Variants in CHD8 observed in about 807,000 individuals in gnomAD.
CHD8 encodes the protein ATP-dependent chromatin remodeler CHD8.
A neutral mutation model predicts 279.2 loss-of-function variants in CHD8; 31 were observed. The observed-to-expected ratio is 0.11, with a 90% confidence interval of 0.08 to 0.15. The LOEUF (loss-of-function observed/expected upper bound fraction) is 0.15. Among genes scored for constraint, CHD8 ranks in the 10% least tolerant of loss-of-function variants. CHD8 has a pLI of 1.00. For missense variants in CHD8, 2,146 were observed against 3,230.5 expected, an observed-to-expected ratio of 0.66 and a Z score of 8.14; for synonymous variants, 1,081 against 1,139.6, an observed-to-expected ratio of 0.95 and a Z score of 1.04.
At chr14:21,417,868 A>T (rs1186758006) in intron 5 of CHD8, among the ~76,000 whole-genome samples, 2 of 95,352 alleles carry the variant, frequency 2.1e-5, no homozygotes, top group East Asian at 4.7e-4. Context: ...AAAAAAAAAT[A>T]TATATATATA....
Position 21,403,408 on chromosome 14 carries a change from T to C in CHD8, c.3518+45A>G, listed in dbSNP as rs749902595. On this transcript the variant is annotated intron_variant, in intron 17 of 37. Coordinates refer to ENST00000646647, the MANE Select transcript of CHD8 (RefSeq NM_001170629.2). The surrounding 1 kb of genome is among the most constrained non-coding windows in gnomAD (Gnocchi z 4.3). ...CCAGGCCCTCCTACTTTTTGCTGCTTTATGAGGACAGAGTAACCACAGGCT... is the reference window on the plus strand; with the variant it reads ...CCAGGCCCTCCTACTTTTTGCTGCTCTATGAGGACAGAGTAACCACAGGCT... The C allele has an allele frequency of 6.7e-7, 1 of 1,499,084 alleles. No individual in the cohort carries two copies. Among genetic ancestry groups the C allele is most frequent in the Non-Finnish European group, 9.2e-7 (1 of 1,086,748 alleles). 92.9% of individuals were successfully genotyped at this position (1,499,084 alleles called of 1,614,324 possible). A position where few individuals can be genotyped will look rare whatever the true frequency, so the allele number is the denominator to read the frequency against.
intron 9 of CHD8, chr14:21,413,991 C>A: frequency 3.9e-6 from 1 of 256,574 alleles, no homozygotes; most frequent in Non-Finnish European, 7.5e-6. Context: ...CAGAAACCAT[C>A]AATAGCTAAA....
At chr14:21,423,691 C>T (rs1443435800) in intron 5 of CHD8, among the ~76,000 whole-genome samples, 1 of 152,148 alleles carries the variant, frequency 6.6e-6, no homozygotes, top group Non-Finnish European at 1.5e-5. Flanking sequence ...TATGAGCCAC[C>T]ATGCCTGGCT....
intron 26 of CHD8, chr14:21,399,340 C>T (rs776217045): frequency 9.0e-5 from 40 of 443,896 alleles, no homozygotes; most frequent in Admixed American, 1.4e-4. Context: ...GCATACAGTG[C>T]GGTAACACAC....
intron 1 of CHD8, among the ~76,000 whole-genome samples, chr14:21,439,482 T>C (rs904332593): frequency 1.3e-5 from 2 of 152,212 alleles, no homozygotes; most frequent in African/African-American, 4.8e-5. Flanking sequence ...CTTCTTAGTG[T>C]ATAGATGAGA....
At position 21,392,782 on chromosome 14, in the gene CHD8, G is replaced by C; in HGVS notation, c.6496C>G (p.Leu2166Val). 1.2e-6 allele frequency: 2 copies of C among 1,613,866 alleles called. No homozygotes were observed. Among genetic ancestry groups the C allele is most frequent in the Non-Finnish European group, 1.7e-6 (2 of 1,179,852 alleles). ...CCTGAGAGTACAGCCTGGCAGACGAGGTCAATACGGTTTATCAGGACACGA... is the reference window on the plus strand; with the variant it reads ...CCTGAGAGTACAGCCTGGCAGACGACGTCAATACGGTTTATCAGGACACGA... ...KDRVLINRIDLVCQAVLSGKW... is the reference protein window; with the variant it reads ...KDRVLINRIDVVCQAVLSGKW... The change falls in exon 34 of 38, where the codon CTC becomes GTC. Residue 2166 changes from leucine to valine, a missense_variant. This residue lies in a region of CHD8 where 513 missense variants were observed against 637.6 expected (regional missense o/e 0.80). Coordinates refer to ENST00000646647, the MANE Select transcript of CHD8 (RefSeq NM_001170629.2).
intron 37 of CHD8, among the ~76,000 whole-genome samples, chr14:21,389,022 C>G (rs1357011018): frequency 6.6e-6 from 1 of 152,196 alleles, no homozygotes; most frequent in Non-Finnish European, 1.5e-5. Context: ...CAACTATTGA[C>G]CAGGCGCTGT....
In CHD8 at chr14:21,400,180, A is replaced by G. The variant is rs755262691; in HGVS notation, c.4698T>C (p.Tyr1566=). 1.5e-5 allele frequency: 25 copies of G among 1,613,830 alleles called. No individual in the cohort carries two copies. The highest frequency in any genetic ancestry group is 2.0e-5 in the Non-Finnish European group (24 of 1,179,892). Residue 1566 remains tyrosine, a synonymous_variant, in exon 24 of 38, where the codon TAT becomes TAC. Coordinates refer to ENST00000646647, the MANE Select transcript of CHD8 (RefSeq NM_001170629.2). The surrounding 1 kb of genome is among the most constrained non-coding windows in gnomAD (Gnocchi z 4.2). ...TACACTGATGTTTCAAGTGCTTCTT[A>G]TAACTTTCATCTTGGAACAAAGTGT... ...NPDTLFQDES[Y]KKHLKHQCNK... is the part of the protein sequence containing the mutation.
intron 1 of CHD8, among the ~76,000 whole-genome samples, chr14:21,441,393 A>G (rs1889956855): frequency 6.6e-6 from 1 of 152,208 alleles, no homozygotes; most frequent in South Asian, 2.1e-4. Flanking sequence ...GCAACCAAGA[A>G]TCCTAACACA....
chr14:21,394,063 G>A lies in CHD8; in HGVS notation c.5732C>T (p.Ala1911Val), dbSNP rs1199808611. The A allele has an allele frequency of 6.2e-7, 1 of 1,613,926 alleles. No homozygotes were observed. Among genetic ancestry groups the A allele is most frequent in the African/African-American group, 1.3e-5 (1 of 75,054 alleles). The change falls in exon 32 of 38, where the codon GCA (alanine) becomes GTA (valine). Residue 1911 changes from alanine (A) to valine (V), a missense_variant. Coordinates refer to ENST00000646647, the MANE Select transcript of CHD8 (RefSeq NM_001170629.2). Reference sequence around the variant, plus strand: ...TTCAGGACCAGGAGGCTGACACAATGCCAGCCGATCTTCCAAAAGGGGGTG... The same window carrying A: ...TTCAGGACCAGGAGGCTGACACAATACCAGCCGATCTTCCAAAAGGGGGTG... The part of the protein sequence containing the change: ...LCHPLLEDRL[A>V]LCQPPGPELP...
chr14:21,396,169 A>T (rs189433694), intron 27 of CHD8, among the ~76,000 whole-genome samples: 151 of 151,034 alleles, frequency 1.0e-3, no homozygotes, highest in African/African-American at 3.5e-3. Flanking sequence ...GCTAATTTTC[A>T]TATTTTTTTA....
rs1357098543 is a variant in CHD8 at position 21,399,598 on chromosome 14, G to A, written c.4921+4C>T. On this transcript the variant is annotated splice_donor_region_variant and intron_variant, in intron 26 of 37. Transcript: ENST00000646647. ...AAAGGAGTAGAATAGGAGAAGATAC[G>A]TACCATGTTTAAAGACTCCAATGAG... 11 of 1,602,766 alleles carry A rather than the reference G, an allele frequency of 6.9e-6. No individual in the cohort carries two copies. The highest frequency in any genetic ancestry group is 8.5e-6 in the Non-Finnish European group (10 of 1,169,752).
At chr14:21,392,478 A>T (rs771537778) in intron 34 of CHD8, 29 bp downstream of exon 34, 2 of 1,591,898 alleles carry the variant, frequency 1.3e-6, no homozygotes, top group African/African-American at 2.7e-5. Flanking sequence ...CTCCTTCCCC[A>T]CTTCCCAATG....
chr14:21,432,174 T>C (rs1459496030), intron 1 of CHD8, among the ~76,000 whole-genome samples: 1 of 152,244 alleles, frequency 6.6e-6, no homozygotes, highest in Non-Finnish European at 1.5e-5. Context: ...TAAAATTTAA[T>C]ATTCATTTAC....
intron 5 of CHD8, among the ~76,000 whole-genome samples, chr14:21,421,084 A>G (rs895810165): frequency 6.6e-6 from 1 of 152,138 alleles, no homozygotes; most frequent in Admixed American, 6.5e-5. Flanking sequence ...TTTAAACTGA[A>G]AAATCAAATG....
At chr14:21,439,761 G>C (rs188945778) in intron 1 of CHD8, among the ~76,000 whole-genome samples, 1 of 152,102 alleles carries the variant, frequency 6.6e-6, no homozygotes, top group Non-Finnish European at 1.5e-5. Flanking sequence ...TATATTTCCT[G>C]TCTTATTTTC....
In CHD8 at chr14:21,431,472, C is replaced by T. The variant is rs10467770; in HGVS notation, c.172G>A (p.Val58Met). The change falls in exon 2 of 38, where the codon GTG (valine) becomes ATG (methionine). Residue 58 changes from valine (V) to methionine (M), a missense_variant. Physicochemically the swap from Val to Met is conservative, Grantham distance 21. Around this residue, in one of 26 missense-constraint regions of CHD8, gnomAD observed 302 missense variants for 325.5 expected, o/e 0.93. Coordinates refer to ENST00000646647, the MANE Select transcript of CHD8 (RefSeq NM_001170629.2). ...QMNQDGGGGD[V>M]GNSSASELVP... is the part of the protein sequence containing the mutation. ...AGTTCACTTGCTGATGAATTCCCCA[C>T]ATCACCACCTCCACCATCCTGGTTC... The T allele has an allele frequency of 0.26, 400,832 of 1,536,776 alleles. 53,313 individuals are homozygous for T. Among genetic ancestry groups the T allele is most frequent in the East Asian group, 0.37 (15,123 of 40,894 alleles).
At chr14:21,429,842 T>A (rs1889490343) in intron 2 of CHD8, 1 of 216,534 alleles carries the variant, frequency 4.6e-6, no homozygotes, top group African/African-American at 2.3e-5. Context: ...AGATGAGGTC[T>A]ATGTTTCCCA....
Position 21,397,824 on chromosome 14 carries a change from C to A in CHD8, c.5050G>T (p.Gly1684Trp). Residue 1684 changes from glycine (G) to tryptophan (W), a missense_variant and splice_region_variant, in exon 27 of 38, where the codon GGG (glycine) becomes TGG (tryptophan). By Grantham distance (184) the Gly-to-Trp change is radical. Around this residue, in one of 26 missense-constraint regions of CHD8, gnomAD observed 75 missense variants for 81.3 expected, o/e 0.92. Coordinates refer to ENST00000646647, the MANE Select transcript of CHD8 (RefSeq NM_001170629.2). ...AAAAGAACAAATACTAATGCTTACC[C>A]TTCTACTATGTCAGAGAAGTTATCC... ...VLDNFSDIVE[G>W]VDFDKDCEDP... The A allele has an allele frequency of 6.2e-7, 1 of 1,613,456 alleles. No individual in the cohort carries two copies. The highest frequency in any genetic ancestry group is 8.5e-7 in the Non-Finnish European group (1 of 1,179,656).
Sources: allele counts gnomAD v4.1 joint callset (sites outside exome capture counted in the v4.1 genomes callset), GRCh38; gene constraint gnomAD v4.1.1; regional missense constraint gnomAD v4.1.1; non-coding constraint Gnocchi (gnomAD v3.1); transcripts MANE v1.5; gene names NCBI Gene and HGNC (gene_info 2026-07-23, HGNC 2026-07-21).